The following SLC12A6 variants were observed in gnomAD, a reference collection of about 807,000 sequenced individuals.
The protein encoded by SLC12A6 is solute carrier family 12 member 6.
SLC12A6 carries 66 observed loss-of-function variants against 135.3 expected under a neutral mutation model. That is an observed-to-expected ratio of 0.49 (90% confidence interval 0.40 to 0.60). SLC12A6 has a LOEUF of 0.60. Among genes scored for constraint, SLC12A6 ranks in the 20% least tolerant of loss-of-function variants. SLC12A6 has a pLI of 0.00. For missense variants in SLC12A6, 1,058 were observed against 1,452.3 expected (o/e 0.73, Z 4.41); for synonymous variants, 513 against 508.8 (o/e 1.01, Z -0.11).
Position 34,249,596 on chromosome 15 carries a change from G to A in SLC12A6, c.1649+702C>T, listed in dbSNP as rs988243268. ...TAAATAAGTAGAAAAGAAAAGAAGA[G>A]AAGAGAAAAGAACAGAATATGAAGA... On this transcript the variant is annotated intron_variant, in intron 13 of 25. Transcript: ENST00000354181. 8.5e-5 allele frequency among the ~76,000 whole-genome samples: 13 copies of A among 152,114 alleles called. No individual in the cohort carries two copies. The East Asian group carries it at 2.5e-3, about 29-fold the overall frequency.
At chr15:34,289,578 G>A (rs780814865) in intron 2 of SLC12A6, among the ~76,000 whole-genome samples, 1 of 152,136 alleles carries the variant, frequency 6.6e-6, no homozygotes, top group Non-Finnish European at 1.5e-5. Context: ...TTGTACCTCT[G>A]GTAGAATCTG....
chr15:34,267,411 C>T (rs1893602041), intron 3 of SLC12A6, among the ~76,000 whole-genome samples: 1 of 152,120 alleles, frequency 6.6e-6, no homozygotes, highest in Non-Finnish European at 1.5e-5. Flanking sequence ...CCTTAGAATT[C>T]CTTTAGGTTT....
intron 2 of SLC12A6, among the ~76,000 whole-genome samples, chr15:34,327,005 G>A (rs1889513186): frequency 6.6e-6 from 1 of 151,436 alleles, no homozygotes; most frequent in Non-Finnish European, 1.5e-5. Flanking sequence ...AAAAATTCTG[G>A]TCTTGGAATT....
chr15:34,306,409 T>C (rs967094130), intron 2 of SLC12A6, among the ~76,000 whole-genome samples: 1 of 152,220 alleles, frequency 6.6e-6, no homozygotes, highest in South Asian at 2.1e-4. Flanking sequence ...CAGGAATTCA[T>C]GGATATCTAC....
At chr15:34,239,425 C>CAA (rs1373125638) in intron 19 of SLC12A6, among the ~76,000 whole-genome samples, 6 of 152,112 alleles carry the variant, frequency 3.9e-5, no homozygotes, top group African/African-American at 1.4e-4. Flanking sequence ...TGTTCCTTTG[C>CAA]ACCATACCAA....
chr15:34,297,057 C>T lies in SLC12A6; in HGVS notation c.272-21668G>A, dbSNP rs191119851. ...ATTCTACCTTCTCCCCTCATCCTGC[C>T]ATTAACCCAGCTAACTGAAAGTTGG... On this transcript the variant is annotated intron_variant, in intron 2 of 25. Transcript: ENST00000354181. Among the ~76,000 whole-genome samples the T allele has an allele frequency of 1.3e-3, 198 of 152,248 alleles. 1 individual carries two copies. Among genetic ancestry groups the T allele is most frequent in the Non-Finnish European group, 2.3e-3 (154 of 68,012 alleles).
chr15:34,240,626 A>G (rs779919545), intron 19 of SLC12A6, 35 bp downstream of exon 19: 1 of 1,580,246 alleles, frequency 6.3e-7, no homozygotes, highest in Admixed American at 1.7e-5. Context: ...AAAGCTGTAA[A>G]CTGAGTTCCA....
intron 2 of SLC12A6, among the ~76,000 whole-genome samples, chr15:34,296,482 A>G (rs760452004): frequency 6.6e-6 from 1 of 152,198 alleles, no homozygotes; most frequent in Non-Finnish European, 1.5e-5. Flanking sequence ...TTTGTCTACT[A>G]TATCATACTG....
At chr15:34,289,604 G>T (rs1184281374) in intron 2 of SLC12A6, among the ~76,000 whole-genome samples, 1 of 152,074 alleles carries the variant, frequency 6.6e-6, no homozygotes, top group Non-Finnish European at 1.5e-5. Context: ...GAATCCTTCT[G>T]GTCCTGGACT....
chr15:34,336,269 G>T, intron 2 of SLC12A6, 141 bp downstream of exon 2: 1 of 743,026 alleles, frequency 1.3e-6, no homozygotes, highest in Non-Finnish European at 2.4e-6. Flanking sequence ...GAGTTCCTAA[G>T]CATCTCACAA....
intron 2 of SLC12A6, among the ~76,000 whole-genome samples, chr15:34,277,897 C>T (rs1040115937): frequency 2.0e-5 from 3 of 152,204 alleles, no homozygotes; most frequent in Non-Finnish European, 4.4e-5. Context: ...ACACATCATA[C>T]TACTGCCCAA....
At chr15:34,303,900 T>C (rs1896425856) in intron 2 of SLC12A6, among the ~76,000 whole-genome samples, 1 of 152,226 alleles carries the variant, frequency 6.6e-6, no homozygotes, top group Non-Finnish European at 1.5e-5. Context: ...GTCTGTGGTA[T>C]TGTTATAGCA....
chr15:34,300,939 A>G (rs1896210660), intron 2 of SLC12A6, among the ~76,000 whole-genome samples: 1 of 152,162 alleles, frequency 6.6e-6, no homozygotes, highest in Non-Finnish European at 1.5e-5. Context: ...TAATACAGAC[A>G]GAGCTTCATG....
chr15:34,274,094 A>G (rs1009460982), intron 3 of SLC12A6, among the ~76,000 whole-genome samples: 2 of 152,220 alleles, frequency 1.3e-5, no homozygotes, highest in Non-Finnish European at 2.9e-5. Context: ...TACAACAGTA[A>G]CACACTTGGA....
intron 2 of SLC12A6, chr15:34,318,417 G>A: frequency 1.4e-6 from 1 of 739,688 alleles, no homozygotes; most frequent in Non-Finnish European, 2.5e-6. Flanking sequence ...CAGATACACA[G>A]GGGAGTGAAA....
chr15:34,278,082 C>A (rs564562457), intron 2 of SLC12A6, among the ~76,000 whole-genome samples: 6 of 152,322 alleles, frequency 3.9e-5, no homozygotes, highest in Admixed American at 6.5e-5. Flanking sequence ...ATAACTCTGA[C>A]AGACTAGGTA....
chr15:34,336,689 TTTTAAG>T lies in SLC12A6; in HGVS notation c.-15_-10del. 1 of 1,613,626 alleles carries T rather than the reference TTTTAAG, an allele frequency of 6.2e-7. No homozygotes were observed. The highest frequency in any genetic ancestry group is 8.5e-7 in the Non-Finnish European group (1 of 1,179,696). ...GTTTCTGGAGGATGCATTTTGTTCT[TTTTAAG>T]AACAAAAAAAGTGGGGGGAACCTCG... On this transcript the variant is annotated 5_prime_UTR_variant, in exon 2 of 26. Coordinates refer to ENST00000354181, the MANE Select transcript of SLC12A6 (RefSeq NM_001365088.1).
chr15:34,319,576 G>C (rs1254680199), intron 2 of SLC12A6, among the ~76,000 whole-genome samples: 1 of 151,828 alleles, frequency 6.6e-6, no homozygotes. Context: ...AGGTGGGCGG[G>C]TCACCTGAGG....
chr15:34,233,657 C>T lies in SLC12A6; in HGVS notation c.*224G>A. The stretch of plus-strand genomic sequence containing the variant: ...TCAGACGTGGCTTGAAAGACTTGAG[C>T]ATTGTTCTGATGTTGAGGGAATATT... On this transcript the variant is annotated 3_prime_UTR_variant, in exon 26 of 26. Transcript: ENST00000354181. 1.9e-6 allele frequency: 1 copy of T among 528,920 alleles called. No individual in the cohort carries two copies. The highest frequency in any genetic ancestry group is 3.4e-6 in the Non-Finnish European group (1 of 291,160). 32.8% of individuals were successfully genotyped at this position (528,920 alleles called of 1,614,324 possible). A position where few individuals can be genotyped will look rare whatever the true frequency, so the allele number is the denominator to read the frequency against.
Sources: allele counts gnomAD v4.1 joint callset (sites outside exome capture counted in the v4.1 genomes callset), GRCh38; gene constraint gnomAD v4.1.1; transcripts MANE v1.5; gene names NCBI Gene and HGNC (gene_info 2026-07-23, HGNC 2026-07-21).